SMIM36: variants seen among roughly 807,000 people sequenced by gnomAD.
SMIM36 encodes small integral membrane protein 36.
chr17:55,494,999 G>C (rs1400910875), intron 1 of SMIM36, among the ~76,000 whole-genome samples: 1 of 152,170 alleles, frequency 6.6e-6, no homozygotes, highest in East Asian at 1.9e-4. Context: ...CAAAGCGCTT[G>C]GTATAGTCTT....
intron 1 of SMIM36, among the ~76,000 whole-genome samples, chr17:55,489,684 T>C (rs1204563965): frequency 1.3e-5 from 2 of 152,344 alleles, no homozygotes; most frequent in African/African-American, 4.8e-5. Flanking sequence ...CATTTGCAGG[T>C]GCACGGCATT....
At chr17:55,481,082 GTCTC>G (rs369663083) in intron 1 of SMIM36, among the ~76,000 whole-genome samples, 12 of 149,044 alleles carry the variant, frequency 8.1e-5, no homozygotes, top group Non-Finnish European at 1.3e-4. Flanking sequence ...CCCTGTCTCT[GTCTC>G]TCTCTCTCTC....
In SMIM36 at chr17:55,466,604, T is replaced by C. The variant is rs151013842; in HGVS notation, c.*531+541A>G. Among the ~76,000 whole-genome samples the C allele has an allele frequency of 4.5e-3, 690 of 152,332 alleles. 4 individuals are homozygous for C. The highest frequency in any genetic ancestry group is 7.6e-3 in the Admixed American group (116 of 15,308). On this transcript the variant is annotated intron_variant, in intron 4 of 4. Coordinates refer to ENST00000636752, the Ensembl canonical transcript of SMIM36. ...CTGTAGCTTGAGTTGTCATCTTCCA[T>C]TTTCTTCATTTCGGAGCTCCTCTTC...
the SMIM36 span, among the ~76,000 whole-genome samples, chr17:55,519,163 A>C: frequency 6.6e-6 from 1 of 152,190 alleles, no homozygotes; most frequent in Non-Finnish European, 1.5e-5. Context: ...GCAGTGTTGA[A>C]TTCCCCTTTG....
chr17:55,466,094 A>G (rs933747301), intron 4 of SMIM36, among the ~76,000 whole-genome samples: 1 of 151,944 alleles, frequency 6.6e-6, no homozygotes, highest in African/African-American at 2.4e-5. Context: ...CCTGACCAAC[A>G]TGGTAAAACC....
At chr17:55,513,942 T>C (rs1345037147), upstream of SMIM36, among the ~76,000 whole-genome samples, 1 of 152,204 alleles carries the variant, frequency 6.6e-6, no homozygotes, top group Non-Finnish European at 1.5e-5. Context: ...CGGAATGTTT[T>C]GTTCAAGGCT....
At chr17:55,454,261 A>C (rs947794131) in intron 4 of SMIM36, among the ~76,000 whole-genome samples, 1 of 152,268 alleles carries the variant, frequency 6.6e-6, no homozygotes, top group Non-Finnish European at 1.5e-5. Context: ...AAATTATCTC[A>C]GACAAAACAA....
At position 55,472,988 on chromosome 17, in the gene SMIM36, T is replaced by G. The variant is rs142342745; in HGVS notation, c.*348-5660A>C. Among the ~76,000 whole-genome samples the G allele has an allele frequency of 3.4e-3, 524 of 152,296 alleles. 5 individuals are homozygous for G. Among genetic ancestry groups the G allele is most frequent in the African/African-American group, 0.012 (507 of 41,560 alleles). On this transcript the variant is annotated intron_variant, in intron 3 of 4. Transcript: ENST00000636752. ...CAGCCCCTACTCCAGAAGGCTAGTA[T>G]TTTTCTTTCTCCTCTATCACTCTCA... is the stretch of plus-strand genomic sequence containing the variant.
chr17:55,530,245 G>A, the SMIM36 span, among the ~76,000 whole-genome samples: 3 of 152,328 alleles, frequency 2.0e-5, no homozygotes, highest in East Asian at 5.8e-4. Context: ...GGTAAAGGTC[G>A]AGGGTAGGAG....
chr17:55,460,639 C>T (rs552447173), intron 4 of SMIM36, among the ~76,000 whole-genome samples: 135 of 152,172 alleles, frequency 8.9e-4, no homozygotes, highest in Non-Finnish European at 1.5e-3. Context: ...GGGCAGATCA[C>T]GAGGTCAGGA....
chr17:55,516,965 C>T, the SMIM36 span, among the ~76,000 whole-genome samples: 1 of 152,148 alleles, frequency 6.6e-6, no homozygotes, highest in African/African-American at 2.4e-5. Context: ...CCAACACTCC[C>T]TATACCATCT....
At position 55,469,131 on chromosome 17, in the gene SMIM36, C is replaced by T. The variant is rs369244837; in HGVS notation, c.*348-1803G>A. On this transcript the variant is annotated intron_variant, in intron 3 of 4. Coordinates refer to ENST00000636752, the Ensembl canonical transcript of SMIM36. ...ACAGACAAATCTGACCTCTCCCCTC[C>T]TCCCCAGGCTGCTCCTCACCAGGCC... 4.7e-4 allele frequency among the ~76,000 whole-genome samples: 72 copies of T among 152,214 alleles called. No homozygotes were observed. In the South Asian group the frequency reaches 0.013, roughly 28 times the overall value.
chr17:55,521,675 C>A, the SMIM36 span, among the ~76,000 whole-genome samples: 2 of 152,058 alleles, frequency 1.3e-5, no homozygotes, highest in Non-Finnish European at 2.9e-5. Flanking sequence ...TGTATCCTTG[C>A]CTCCAAGATG....
intron 3 of SMIM36, among the ~76,000 whole-genome samples, chr17:55,474,782 A>G (rs1909401582): frequency 6.6e-6 from 1 of 152,168 alleles, no homozygotes; most frequent in African/African-American, 2.4e-5. Flanking sequence ...TCAAGGAAAC[A>G]TGGGTCAGGC....
intron 3 of SMIM36, chr17:55,468,520 T>C (rs1909282911): frequency 1.3e-5 from 2 of 152,982 alleles, no homozygotes; most frequent in South Asian, 4.1e-4. Flanking sequence ...CCTGCCTTGA[T>C]CATTCACCCA....
the SMIM36 span, among the ~76,000 whole-genome samples, chr17:55,521,541 G>T: frequency 2.7e-4 from 41 of 152,056 alleles, no homozygotes; most frequent in Non-Finnish European, 4.4e-5. Context: ...CTGTGATTAG[G>T]GTATAGATGA....
intron 3 of SMIM36, among the ~76,000 whole-genome samples, chr17:55,472,716 C>A (rs916442064): frequency 1.5e-4 from 23 of 152,036 alleles, no homozygotes; most frequent in Non-Finnish European, 2.8e-4. Context: ...ACTAAAAATA[C>A]AAAAATTAGC....
At chr17:55,477,163 G>A (rs1909439715) in intron 3 of SMIM36, 1 of 152,182 alleles carries the variant, frequency 6.6e-6, no homozygotes, top group Non-Finnish European at 1.5e-5. Flanking sequence ...TTGGGCGATG[G>A]AGCTAGACTC....
At chr17:55,452,947 T>TG (rs1377854299) in intron 4 of SMIM36, among the ~76,000 whole-genome samples, 2 of 152,200 alleles carry the variant, frequency 1.3e-5, no homozygotes, top group African/African-American at 4.8e-5. Context: ...TAGGAATGGG[T>TG]GGCTGTGTTT....
Sources: gnomAD v4.1 joint callset for allele counts (sites outside exome capture counted in the v4.1 genomes callset) on GRCh38, gnomAD v4.1.1 for gene constraint, MANE v1.5 for transcripts, NCBI Gene and HGNC (gene_info 2026-07-23, HGNC 2026-07-21) for gene names.